HS3ST4: variants seen among roughly 807,000 people sequenced by gnomAD.
HS3ST4 encodes heparan sulfate glucosamine 3-O-sulfotransferase 4.
A neutral mutation model predicts 29.2 loss-of-function variants in HS3ST4; 17 were observed. The observed-to-expected ratio is 0.58, with a 90% CI of 0.40 to 0.87. The LOEUF (loss-of-function observed/expected upper bound fraction) is 0.87, where lower values mean the gene tolerates loss of function less well. HS3ST4 is among the 40% of genes least tolerant of loss of function. The pLI, the probability that HS3ST4 is intolerant of heterozygous loss-of-function variation, is 0.00. For synonymous variants in HS3ST4, 314 were observed against 285.7 expected, an observed-to-expected ratio of 1.10 and a Z score of -1.00; for missense variants, 627 against 634.5, an observed-to-expected ratio of 0.99 and a Z score of 0.13.
At chr16:26,124,320 A>AG (rs1899314598) in intron 1 of HS3ST4, among the ~76,000 whole-genome samples, 1 of 142,816 alleles carries the variant, frequency 7.0e-6, no homozygotes, top group South Asian at 2.4e-4. Flanking sequence ...ACAAACGAAG[A>AG]GTTTTTTTCT....
chr16:25,785,836 T>C (rs1010574577), intron 1 of HS3ST4, among the ~76,000 whole-genome samples: 1 of 151,942 alleles, frequency 6.6e-6, no homozygotes, highest in African/African-American at 2.4e-5. Flanking sequence ...GGGGTGGTAA[T>C]GGGCGGTGCA....
At chr16:25,856,424 G>A (rs895400943) in intron 1 of HS3ST4, among the ~76,000 whole-genome samples, 1 of 151,654 alleles carries the variant, frequency 6.6e-6, no homozygotes, top group Non-Finnish European at 1.5e-5. Context: ...AGTTATGCCT[G>A]CATTAAGAAA....
chr16:25,925,482 T>G (rs35694693), intron 1 of HS3ST4, among the ~76,000 whole-genome samples: 2 of 151,886 alleles, frequency 1.3e-5, no homozygotes, highest in African/African-American at 4.8e-5. Flanking sequence ...TGTCACAGAT[T>G]ACGCCGCGAC....
chr16:25,743,858 G>T (rs1281092798), intron 1 of HS3ST4, among the ~76,000 whole-genome samples: 2 of 152,132 alleles, frequency 1.3e-5, no homozygotes, highest in Non-Finnish European at 2.9e-5. Context: ...TGTTCCCCTA[G>T]CTCCTTCTGT....
chr16:25,954,381 T>G (rs1968708714), intron 1 of HS3ST4, among the ~76,000 whole-genome samples: 1 of 152,120 alleles, frequency 6.6e-6, no homozygotes, highest in Non-Finnish European at 1.5e-5. Context: ...AACATAAGCT[T>G]TACAACAGAA....
At chr16:25,797,837 A>G (rs1966896655) in intron 1 of HS3ST4, among the ~76,000 whole-genome samples, 1 of 152,212 alleles carries the variant, frequency 6.6e-6, no homozygotes, top group Non-Finnish European at 1.5e-5. Flanking sequence ...TGGAGAAATC[A>G]AGAGCCCTCA....
intron 1 of HS3ST4, among the ~76,000 whole-genome samples, chr16:25,722,090 A>G (rs1966501253): frequency 6.6e-6 from 1 of 152,172 alleles, no homozygotes; most frequent in African/African-American, 2.4e-5. Flanking sequence ...CCATTCAGGA[A>G]ACTTCCATTT....
chr16:25,780,473 C>A (rs145369364), intron 1 of HS3ST4, among the ~76,000 whole-genome samples: 83 of 152,258 alleles, frequency 5.5e-4, no homozygotes, highest in Middle Eastern at 6.8e-3. Context: ...TGAGCTAATT[C>A]ATGCAAGTCA....
At chr16:26,042,908 C>T (rs1337118032) in intron 1 of HS3ST4, among the ~76,000 whole-genome samples, 2 of 152,126 alleles carry the variant, frequency 1.3e-5, no homozygotes, top group East Asian at 3.8e-4. Flanking sequence ...TTGGCAGTAT[C>T]ATTTTACACT....
In HS3ST4 at chr16:26,050,952, T is replaced by C. The variant is rs142894124; in HGVS notation, c.735-84660T>C. ...CAATTTAGCTGGAAATGTTAAACAC[T>C]GTCTGCATCCTGGAGCTGGAATGGA... On this transcript the variant is annotated intron_variant, in intron 1 of 1. Coordinates refer to ENST00000331351, the MANE Select transcript of HS3ST4 (RefSeq NM_006040.3). 2.8e-3 allele frequency among the ~76,000 whole-genome samples: 420 copies of C among 152,284 alleles called. 1 individual carries two copies. The highest frequency in any genetic ancestry group is 9.8e-3 in the African/African-American group (408 of 41,548).
chr16:26,132,389 CTAAAGTATA>C (rs1899431615), intron 1 of HS3ST4, among the ~76,000 whole-genome samples: 1 of 152,156 alleles, frequency 6.6e-6, no homozygotes, highest in Admixed American at 6.5e-5. Flanking sequence ...AAAAACTCTC[CTAAAGTATA>C]TACTTTTCAC....
intron 1 of HS3ST4, among the ~76,000 whole-genome samples, chr16:25,781,372 G>A (rs1966852435): frequency 6.6e-6 from 1 of 152,142 alleles, no homozygotes; most frequent in Non-Finnish European, 1.5e-5. Context: ...TCTCTTGAGG[G>A]CAGTAATTGC....
intron 1 of HS3ST4, among the ~76,000 whole-genome samples, chr16:25,879,514 C>G (rs1202070295): frequency 6.6e-6 from 1 of 152,020 alleles, no homozygotes; most frequent in East Asian, 1.9e-4. Flanking sequence ...TTAAAACCAT[C>G]AGATCTCCTG....
chr16:26,013,213 C>T (rs1487915200), intron 1 of HS3ST4, among the ~76,000 whole-genome samples: 2 of 151,750 alleles, frequency 1.3e-5, no homozygotes, highest in African/African-American at 2.4e-5. Flanking sequence ...ACCAAAAAAA[C>T]AAAACAAACA....
At chr16:25,945,572 C>A (rs905999464) in intron 1 of HS3ST4, among the ~76,000 whole-genome samples, 3 of 152,164 alleles carry the variant, frequency 2.0e-5, no homozygotes, top group Non-Finnish European at 4.4e-5. Context: ...TGCCAAGGTG[C>A]TTCTCAAAGC....
chr16:25,912,350 A>T (rs1392743200), intron 1 of HS3ST4, among the ~76,000 whole-genome samples: 3 of 151,998 alleles, frequency 2.0e-5, no homozygotes, highest in Non-Finnish European at 4.4e-5. Context: ...AAGACTTTTT[A>T]CCTCATTTTG....
At chr16:25,851,597 C>T (rs538539044) in intron 1 of HS3ST4, among the ~76,000 whole-genome samples, 1 of 152,298 alleles carries the variant, frequency 6.6e-6, no homozygotes, top group East Asian at 1.9e-4. Flanking sequence ...TGAAACTCAG[C>T]ATTCTTTGGA....
At chr16:25,896,036 G>C (rs1249039258) in intron 1 of HS3ST4, among the ~76,000 whole-genome samples, 1 of 152,124 alleles carries the variant, frequency 6.6e-6, no homozygotes, top group Non-Finnish European at 1.5e-5. Context: ...GCTGGGCTAG[G>C]CTCCACATCA....
intron 1 of HS3ST4, among the ~76,000 whole-genome samples, chr16:26,082,207 C>T (rs1898732599): frequency 6.6e-6 from 1 of 152,174 alleles, no homozygotes. Context: ...CTGTCAATCA[C>T]CTTTACGTTC....
Sources: allele counts gnomAD v4.1 joint callset (sites outside exome capture counted in the v4.1 genomes callset), GRCh38; gene constraint gnomAD v4.1.1; transcripts MANE v1.5; gene names NCBI Gene and HGNC (gene_info 2026-07-23, HGNC 2026-07-21).